Variants in STMN2 observed in about 807,000 individuals in gnomAD.
STMN2 encodes stathmin 2, also known as stathmin-2.
Under a neutral mutation model 24.1 loss-of-function variants are expected in STMN2, and 2 were observed. That is an observed-to-expected ratio of 0.08 (90% confidence interval 0.03 to 0.26). The LOEUF (loss-of-function observed/expected upper bound fraction) is 0.26. Ranked by LOEUF, STMN2 falls within the 10% of genes least tolerant of loss-of-function variation. STMN2 has a pLI of 1.00. For missense variants in STMN2, 114 were observed against 213.6 expected (o/e 0.53, Z 2.91); for synonymous variants, 83 against 77.5 (o/e 1.07, Z -0.37).
intron 4 of STMN2, among the ~76,000 whole-genome samples, chr8:79,662,254 G>C (rs1205278208): frequency 2.6e-5 from 4 of 151,968 alleles, no homozygotes; most frequent in African/African-American, 9.7e-5. Context: ...GGAGGAAGGG[G>C]GTAAATTGCA....
At chr8:79,649,665 C>A (rs1810292230) in intron 3 of STMN2, among the ~76,000 whole-genome samples, 1 of 151,868 alleles carries the variant, frequency 6.6e-6, no homozygotes. Context: ...GTAATATATC[C>A]CCCAAATAAT....
At chr8:79,641,661 CACACACACACAT>C (rs1156843242) in intron 3 of STMN2, 111 bp downstream of exon 3, 10 of 787,838 alleles carry the variant, frequency 1.3e-5, no homozygotes, top group African/African-American at 5.5e-5. Flanking sequence ...CACACACACA[CACACACACACAT>C]ACAGAGAGCA....
intron 3 of STMN2, among the ~76,000 whole-genome samples, chr8:79,654,595 T>TA (rs756717972): frequency 6.3e-4 from 96 of 152,272 alleles, no homozygotes; most frequent in Non-Finnish European, 1.3e-3. Flanking sequence ...AGCCTTTTTT[T>TA]AAAAAAATTT....
intron 3 of STMN2, among the ~76,000 whole-genome samples, chr8:79,650,951 A>T (rs1490405954): frequency 6.6e-6 from 1 of 152,240 alleles, no homozygotes; most frequent in East Asian, 1.9e-4. Context: ...AATTTAAAAA[A>T]AAATATTGAA....
intron 3 of STMN2, among the ~76,000 whole-genome samples, chr8:79,653,553 T>C (rs1371504957): frequency 6.6e-6 from 1 of 152,182 alleles, no homozygotes; most frequent in Non-Finnish European, 1.5e-5. Flanking sequence ...GACTTTCCCA[T>C]TTCTGTAGAA....
chr8:79,662,982 A>C (rs1193731433), intron 4 of STMN2, among the ~76,000 whole-genome samples: 5 of 152,126 alleles, frequency 3.3e-5, no homozygotes, highest in African/African-American at 9.6e-5. Flanking sequence ...CATCCATGCT[A>C]ATTTCCCCTG....
At chr8:79,634,183 G>C (rs189684504) in intron 1 of STMN2, among the ~76,000 whole-genome samples, 1 of 152,284 alleles carries the variant, frequency 6.6e-6, no homozygotes, top group African/African-American at 2.4e-5. Context: ...AAACCTTGCT[G>C]TTACTGTTTT....
At chr8:79,640,131 C>T (rs571311907) in intron 2 of STMN2, among the ~76,000 whole-genome samples, 25 of 152,270 alleles carry the variant, frequency 1.6e-4, no homozygotes, top group Non-Finnish European at 3.1e-4. Flanking sequence ...ACCTGGGAGG[C>T]GGAGGTTGCA....
chr8:79,644,616 A>T (rs886792658), intron 3 of STMN2, among the ~76,000 whole-genome samples: 2 of 152,206 alleles, frequency 1.3e-5, no homozygotes, highest in African/African-American at 2.4e-5. Flanking sequence ...GTAGTTCCCC[A>T]GAAGAAAATC....
At chr8:79,611,326 G>A in intron 1 of STMN2, 112 bp downstream of exon 1, 1 of 1,413,306 alleles carries the variant, frequency 7.1e-7, no homozygotes. Flanking sequence ...AGATGTTAAT[G>A]GTAACACAGG....
In STMN2 at chr8:79,664,779, GC is replaced by G. The variant is rs1806567324; in HGVS notation, c.481-34del. ...GTACGCAAAGGACCAGACAAAAAGG[GC>G]CTGTGACATTTCTTCTTCCTTTTGT... On this transcript the variant is annotated intron_variant, in intron 4 of 4. Transcript: ENST00000220876. 2.5e-6 allele frequency: 4 copies of G among 1,607,104 alleles called. No individual in the cohort carries two copies. In the East Asian group the frequency reaches 9.0e-5, roughly 36 times the overall value.
chr8:79,613,703 T>C lies in STMN2; in HGVS notation c.19+2489T>C, dbSNP rs538544823. On this transcript the variant is annotated intron_variant, in intron 1 of 4. Coordinates refer to ENST00000220876, the MANE Select transcript of STMN2 (RefSeq NM_007029.4). Reference sequence around the variant, plus strand: ...ATTGCTCTTGGTTAAGGATTAACCCTTGTTGCGTTCGCTTTGCTTCCTCCT... The same window carrying C: ...ATTGCTCTTGGTTAAGGATTAACCCCTGTTGCGTTCGCTTTGCTTCCTCCT... The C allele has an allele frequency of 5.2e-5, 51 of 985,472 alleles. No homozygotes were observed. In the South Asian group the frequency reaches 2.1e-3, roughly 40 times the overall value. 61.0% of individuals were successfully genotyped at this position (985,472 alleles called of 1,614,324 possible). A position where few individuals can be genotyped will look rare whatever the true frequency, so the allele number is the denominator to read the frequency against.
chr8:79,638,382 G>T (rs28718624), intron 2 of STMN2, among the ~76,000 whole-genome samples: 2 of 152,118 alleles, frequency 1.3e-5, no homozygotes, highest in Non-Finnish European at 2.9e-5. Flanking sequence ...ATTTGCCTGC[G>T]TTCTCTTATA....
rs1051946681 is a variant in STMN2 at position 79,639,588 on chromosome 8, A to G, written c.116-1790A>G. ...TTTCTATTATAAATTATACTATTTT[A>G]TGTTATAATTTGTATTATACAGGCT... On this transcript the variant is annotated intron_variant, in intron 2 of 4. Transcript: ENST00000220876. Among the ~76,000 whole-genome samples, 28 of 152,244 alleles carry G rather than the reference A, an allele frequency of 1.8e-4. 1 individual carries two copies. Among genetic ancestry groups the G allele is most frequent in the African/African-American group, 3.4e-4 (14 of 41,468 alleles).
intron 2 of STMN2, among the ~76,000 whole-genome samples, chr8:79,640,736 G>A (rs151082118): frequency 4.6e-5 from 7 of 152,342 alleles, no homozygotes; most frequent in Admixed American, 3.9e-4. Context: ...ATGACTGGAA[G>A]CAATGAACAT....
At chr8:79,652,895 T>C (rs1585907178) in intron 3 of STMN2, among the ~76,000 whole-genome samples, 1 of 152,258 alleles carries the variant, frequency 6.6e-6, no homozygotes, top group East Asian at 1.9e-4. Flanking sequence ...AAAGTCTGTG[T>C]AGGATGCTTT....
intron 3 of STMN2, among the ~76,000 whole-genome samples, chr8:79,646,340 G>A (rs1055097626): frequency 2.0e-5 from 3 of 151,858 alleles, no homozygotes; most frequent in African/African-American, 7.3e-5. Flanking sequence ...TACATACACA[G>A]CATATTAGAT....
intron 1 of STMN2, among the ~76,000 whole-genome samples, chr8:79,611,460 A>T (rs888498890): frequency 5.3e-5 from 8 of 152,170 alleles, no homozygotes; most frequent in Non-Finnish European, 8.8e-5. Flanking sequence ...TGGGTAGAGA[A>T]TTTATTCTGT....
Position 79,624,254 on chromosome 8 carries a change from A to G in STMN2, c.20-12548A>G, listed in dbSNP as rs1463310313. 2.0e-5 allele frequency among the ~76,000 whole-genome samples: 3 copies of G among 152,028 alleles called. No homozygotes were observed. In the East Asian group the frequency reaches 5.8e-4, roughly 29 times the overall value. On this transcript the variant is annotated intron_variant, in intron 1 of 4. Transcript: ENST00000220876. Reference sequence around the variant, plus strand: ...CGGATCACGAGGTCAGGAGATCGAGACCATCCTGGCTAACACGGTGAAACC... The same window carrying G: ...CGGATCACGAGGTCAGGAGATCGAGGCCATCCTGGCTAACACGGTGAAACC...
Sources: gnomAD v4.1 joint callset for allele counts (sites outside exome capture counted in the v4.1 genomes callset) on GRCh38, gnomAD v4.1.1 for gene constraint, MANE v1.5 for transcripts, NCBI Gene and HGNC (gene_info 2026-07-23, HGNC 2026-07-21) for gene names.